C5: variants seen among roughly 807,000 people sequenced by gnomAD.
The protein encoded by C5 is complement C5.
A neutral mutation model predicts 218.8 loss-of-function variants in C5; 140 were observed. The ratio of observed to expected loss-of-function variants is 0.64; its 90% CI spans 0.56 to 0.74. C5 has a LOEUF of 0.74. Ranked by LOEUF, C5 falls within the 30% of genes least tolerant of loss-of-function variation. The probability of loss-of-function intolerance (pLI) is 0.00; values close to 1 mark genes in which losing one functional copy is unlikely to be tolerated. For missense variants in C5, 1,700 were observed against 1,969.6 expected, an observed-to-expected ratio of 0.86 and a Z score of 2.59; for synonymous variants, 614 against 682.3, an observed-to-expected ratio of 0.90 and a Z score of 1.56.
chr9:120,962,274 T>C (rs941841632), intron 36 of C5, among the ~76,000 whole-genome samples: 2 of 152,208 alleles, frequency 1.3e-5, no homozygotes, highest in African/African-American at 2.4e-5. Flanking sequence ...GCTGCTATAA[T>C]AGAGCTATCT....
chr9:121,069,169 G>A, the C5 span, among the ~76,000 whole-genome samples: 1 of 152,244 alleles, frequency 6.6e-6, no homozygotes, highest in East Asian at 1.9e-4. Flanking sequence ...AAACTAAAAG[G>A]CTTCTGCACA....
upstream of C5, among the ~76,000 whole-genome samples, chr9:121,054,366 G>GCCTC (rs1235305161): frequency 6.6e-6 from 1 of 152,186 alleles, no homozygotes; most frequent in Non-Finnish European, 1.5e-5. Flanking sequence ...TTGGGAGGCT[G>GCCTC]AGGCAGGCAG....
intron 4 of C5, among the ~76,000 whole-genome samples, chr9:121,035,751 T>C (rs2131805509): frequency 6.6e-6 from 1 of 151,926 alleles, no homozygotes; most frequent in Admixed American, 6.6e-5. Context: ...TTTTTTTTAA[T>C]TTTTAGTAGA....
chr9:121,039,564 G>T (rs1324062512), intron 3 of C5, among the ~76,000 whole-genome samples: 1 of 152,152 alleles, frequency 6.6e-6, no homozygotes, highest in Non-Finnish European at 1.5e-5. Context: ...TTGAACCTGG[G>T]AGGCGGAGAT....
chr9:121,057,958 GTGT>G, the C5 span, among the ~76,000 whole-genome samples: 4 of 152,074 alleles, frequency 2.6e-5, no homozygotes, highest in Non-Finnish European at 5.9e-5. Flanking sequence ...TTTAAATCCG[GTGT>G]TGTTTGAAGC....
Position 120,976,840 on chromosome 9 carries a change from T to G in C5, c.3724A>C (p.Thr1242Pro). Reference sequence around the variant, plus strand: ...GTTTCTACCATACGTGCCGTACCAGTGTTAGGTACAGAGCTGTCTTTATGC... The same window carrying G: ...GTTTCTACCATACGTGCCGTACCAGGGTTAGGTACAGAGCTGTCTTTATGC... ...LQHKDSSVPN[T>P]GTARMVETTA... Residue 1242 changes from threonine to proline, a missense_variant, in exon 29 of 41, where the codon ACT (threonine) becomes CCT (proline). By Grantham distance (38) the Thr-to-Pro change is conservative. Coordinates refer to ENST00000223642, the MANE Select transcript of C5 (RefSeq NM_001735.3). The G allele has an allele frequency of 6.2e-7, 1 of 1,614,052 alleles. No individual in the cohort carries two copies. The highest frequency in any genetic ancestry group is 8.5e-7 in the Non-Finnish European group (1 of 1,179,880).
rs755260495 is a variant in C5, at chr9:120,960,308, C to T, written c.4618G>A (p.Asp1540Asn). 2.5e-6 allele frequency: 4 copies of T among 1,613,492 alleles called. No individual in the cohort carries two copies. The East Asian group carries it at 6.7e-5, about 27-fold the overall frequency. The stretch of plus-strand genomic sequence containing the variant: ...CTTGTCTCTGCAGAGATTGTCAGAT[C>T]CAATTCTTCCTGCATTTGCCCACAA... ...ADCGQMQEEL[D>N]LTISAETRKQ... The change falls in exon 38 of 41, where the codon GAT (aspartate) becomes AAT (asparagine). Residue 1540 changes from aspartate (D) to asparagine (N), a missense_variant. Asp to Asn is a conservative substitution (Grantham distance 23). Transcript: ENST00000223642.
At chr9:120,953,202 G>A (rs375483431) in intron 40 of C5, among the ~76,000 whole-genome samples, 1 of 152,174 alleles carries the variant, frequency 6.6e-6, no homozygotes, top group South Asian at 2.1e-4. Flanking sequence ...GGGATTACAG[G>A]TGTGAGCCAC....
At chr9:121,007,127 A>C in intron 18 of C5, 150 bp from the exon 19 acceptor site, 51 of 673,214 alleles carry the variant, frequency 7.6e-5, no homozygotes, top group Middle Eastern at 3.9e-4. Context: ...GGAAAACCTC[A>C]TCAAGAAAAA....
Position 120,974,821 on chromosome 9 carries a change from A to G in C5, c.3975T>C (p.Asn1325=). The G allele has an allele frequency of 6.2e-7, 1 of 1,614,112 alleles. No individual in the cohort carries two copies. Among genetic ancestry groups the G allele is most frequent in the Non-Finnish European group, 8.5e-7 (1 of 1,179,928 alleles). ...GGAAATTCTTGTCTGTCATTTTATAATTATGTAAGGCACCTTTATGCTTGT... is the reference window on the plus strand; with the variant it reads ...GGAAATTCTTGTCTGTCATTTTATAGTTATGTAAGGCACCTTTATGCTTGT... ...VSYKHKGALH[N]YKMTDKNFLG... The change falls in exon 30 of 41, where the codon AAT becomes AAC. Residue 1325 remains asparagine, a synonymous_variant. Transcript: ENST00000223642.
intron 39 of C5, chr9:120,957,023 A>G: frequency 2.6e-6 from 1 of 382,866 alleles, no homozygotes; most frequent in Non-Finnish European, 5.0e-6. Context: ...AACCTAAAAT[A>G]AAAGTTGTAA....
At chr9:121,039,915 G>A (rs1414823292) in intron 3 of C5, among the ~76,000 whole-genome samples, 1 of 152,198 alleles carries the variant, frequency 6.6e-6, no homozygotes, top group Non-Finnish European at 1.5e-5. Flanking sequence ...GGGATTACAG[G>A]CATGAGCCAC....
chr9:121,037,605 C>T (rs940169283), intron 4 of C5, among the ~76,000 whole-genome samples: 1 of 152,206 alleles, frequency 6.6e-6, no homozygotes, highest in African/African-American at 2.4e-5. Flanking sequence ...GCCACCACGC[C>T]CGGCCAGTGG....
At chr9:120,977,189 C>A (rs528457203) in intron 28 of C5, among the ~76,000 whole-genome samples, 7 of 152,146 alleles carry the variant, frequency 4.6e-5, no homozygotes, top group Non-Finnish European at 1.0e-4. Flanking sequence ...AATTTCACCC[C>A]TGACCTCATG....
At chr9:121,071,605 A>G in the C5 span, among the ~76,000 whole-genome samples, 1 of 152,128 alleles carries the variant, frequency 6.6e-6, no homozygotes, top group African/African-American at 2.4e-5. Flanking sequence ...GGATCACTTG[A>G]GTCTGAGAAG....
At chr9:121,057,996 G>C in the C5 span, among the ~76,000 whole-genome samples, 1 of 152,122 alleles carries the variant, frequency 6.6e-6, no homozygotes, top group Non-Finnish European at 1.5e-5. Context: ...TCAGTAATCA[G>C]TCTAGCAATT....
intron 3 of C5, among the ~76,000 whole-genome samples, chr9:121,041,488 A>G (rs911015062): frequency 2.5e-4 from 38 of 151,234 alleles, no homozygotes; most frequent in African/African-American, 9.2e-4. Context: ...TAGTTTTAGT[A>G]GAGACAGGGT....
At chr9:120,968,778 C>G (rs1276651412) in intron 33 of C5, among the ~76,000 whole-genome samples, 1 of 151,980 alleles carries the variant, frequency 6.6e-6, no homozygotes, top group Non-Finnish European at 1.5e-5. Flanking sequence ...TATTTTTTTC[C>G]TAATTTTTTA....
intron 31 of C5, among the ~76,000 whole-genome samples, chr9:120,971,563 G>A (rs41312865): frequency 3.4e-3 from 522 of 152,164 alleles, no homozygotes; most frequent in African/African-American, 0.012. Flanking sequence ...CTCAGCCTCT[G>A]AGTAGCTGGG....
Sources: allele counts gnomAD v4.1 joint callset (sites outside exome capture counted in the v4.1 genomes callset), GRCh38; gene constraint gnomAD v4.1.1; transcripts MANE v1.5; gene names NCBI Gene and HGNC (gene_info 2026-07-23, HGNC 2026-07-21).